Variants in MTOR observed in about 807,000 individuals in gnomAD.
The protein encoded by MTOR is mechanistic target of rapamycin kinase.
A neutral mutation model predicts 319.8 loss-of-function variants in MTOR; 70 were observed. That is an observed-to-expected ratio of 0.22 (90% CI 0.18 to 0.27). The LOEUF (loss-of-function observed/expected upper bound fraction) is 0.27, where lower values mean the gene tolerates loss of function less well. Ranked by LOEUF, MTOR falls within the 10% of genes least tolerant of loss-of-function variation. The pLI, the probability that MTOR is intolerant of heterozygous loss-of-function variation, is 1.00. For missense variants in MTOR, 1,890 were observed against 3,274.4 expected (o/e 0.58, Z 10.32); for synonymous variants, 1,183 against 1,211.4 (o/e 0.98, Z 0.49).
intron 1 of MTOR, 31 bp from the exon 2 acceptor site, chr1:11,259,454 G>A (rs902488326): frequency 6.6e-7 from 1 of 1,503,946 alleles, no homozygotes; most frequent in Non-Finnish European, 8.8e-7. Context: ...TAATATTCTG[G>A]ATAAGAAAGT....
chr1:11,198,865 C>T (rs1218229544), intron 28 of MTOR, among the ~76,000 whole-genome samples: 1 of 152,078 alleles, frequency 6.6e-6, no homozygotes, highest in Non-Finnish European at 1.5e-5. Flanking sequence ...TTGATAAAAC[C>T]CCACTGTGCC....
chr1:11,137,224 C>T (rs563476756), intron 36 of MTOR, among the ~76,000 whole-genome samples: 34 of 143,064 alleles, frequency 2.4e-4, no homozygotes, highest in Non-Finnish European at 3.8e-4. Context: ...AAGGTGATAA[C>T]TCAGTGTGAT....
At position 11,128,960 on chromosome 1, in the gene MTOR, G is replaced by T. The variant is rs778366203; in HGVS notation, c.5715-9C>A. 5 of 1,609,608 alleles carry T rather than the reference G, an allele frequency of 3.1e-6. No individual in the cohort carries two copies. The Admixed American group carries it at 8.4e-5, about 27-fold the overall frequency. On this transcript the variant is annotated splice_polypyrimidine_tract_variant and intron_variant, in intron 40 of 57. Transcript: ENST00000361445. This position sits in a 1 kb window ranked among gnomAD's most constrained non-coding sequence, Gnocchi z 5.3. ...ACCATAAGGTGAGAACTCTGAAAAAGAAATGAGAAAGTCACAGAAAATTTA... is the reference window on the plus strand; with the variant it reads ...ACCATAAGGTGAGAACTCTGAAAAATAAATGAGAAAGTCACAGAAAATTTA...
At chr1:11,114,715 C>A in intron 52 of MTOR, 98 bp downstream of exon 52, 1 of 1,263,852 alleles carries the variant, frequency 7.9e-7, no homozygotes, top group Non-Finnish European at 1.1e-6. Flanking sequence ...ATCACAAAGG[C>A]ACTTTGGAGA....
intron 28 of MTOR, among the ~76,000 whole-genome samples, chr1:11,172,166 T>C (rs552390344): frequency 4.0e-4 from 60 of 150,986 alleles, no homozygotes; most frequent in Middle Eastern, 6.8e-3. Context: ...CTGGGCTCAC[T>C]GGGGGACCAG....
At position 11,128,735 on chromosome 1, in the gene MTOR, A is replaced by G; in HGVS notation, c.5811+120T>C. ...ACACTTGACACTGGGACCGAGCCCT[A>G]CTTCCTTAGCACTGTATTAACACAC... On this transcript the variant is annotated intron_variant, in intron 41 of 57. Transcript: ENST00000361445. This position sits in a 1 kb window ranked among gnomAD's most constrained non-coding sequence, Gnocchi z 5.3. 9.7e-7 allele frequency: 1 copy of G among 1,031,202 alleles called. No homozygotes were observed. Among genetic ancestry groups the G allele is most frequent in the East Asian group, 2.5e-5 (1 of 39,576 alleles). The allele number at this position is 1,031,202 out of a possible 1,614,324, so 63.9% of individuals were successfully genotyped here.
intron 28 of MTOR, among the ~76,000 whole-genome samples, chr1:11,175,888 T>C (rs1644972716): frequency 6.6e-6 from 1 of 151,994 alleles, no homozygotes; most frequent in African/African-American, 2.4e-5. Context: ...GGATTACAGG[T>C]GCGCGCCACT....
Position 11,127,040 on chromosome 1 carries a change from C to T in MTOR, c.6321G>A (p.Val2107=), listed in dbSNP as rs777896603. The T allele has an allele frequency of 8.5e-5, 137 of 1,614,078 alleles. No individual in the cohort carries two copies. The highest frequency in any genetic ancestry group is 1.1e-4 in the Non-Finnish European group (132 of 1,180,040). ...GCAGCTGCTTTGAGATTCGTCGGAA[C>T]ACATGATAATAGAGGTCCCAGGCTT... is the stretch of plus-strand genomic sequence containing the variant. The part of the protein sequence containing the change: ...LTQAWDLYYH[V]FRRISKQLPQ... The change falls in exon 45 of 58, where the codon GTG becomes GTA. Residue 2107 remains valine (V), a synonymous_variant. Coordinates refer to ENST00000361445, the MANE Select transcript of MTOR (RefSeq NM_004958.4). This position sits in a 1 kb window ranked among gnomAD's most constrained non-coding sequence, Gnocchi z 5.5.
intron 28 of MTOR, among the ~76,000 whole-genome samples, chr1:11,176,119 A>C (rs1251019263): frequency 6.6e-6 from 1 of 152,168 alleles, no homozygotes; most frequent in East Asian, 1.9e-4. Context: ...CAAGGACTTA[A>C]TGCTGACCCA....
chr1:11,137,152 TAAAAAAAAAAA>T (rs33927011), intron 36 of MTOR, among the ~76,000 whole-genome samples: 2 of 73,374 alleles, frequency 2.7e-5, no homozygotes, highest in Non-Finnish European at 2.5e-5. Flanking sequence ...TAAATCTGAT[TAAAAAAAAAAA>T]AAAAAAAAAA....
intron 28 of MTOR, chr1:11,189,483 G>GTT (rs1332656723): frequency 3.7e-5 from 52 of 1,404,894 alleles, no homozygotes; most frequent in Non-Finnish European, 4.9e-5. Flanking sequence ...GAGTGAAAGC[G>GTT]TAAGGTTCAG....
rs1646927477 is a variant in MTOR, at chr1:11,228,737, C to T, written c.2961G>A (p.Val987=). The change falls in exon 19 of 58, where the codon GTG becomes GTA. Residue 987 remains valine, a synonymous_variant. Transcript: ENST00000361445. ...FIFKSLGLKC[V]QFLPQVMPTF... is the part of the protein sequence containing the mutation. ...TGGGCATGACCTGGGGCAGGAACTG[C>T]ACACATTTGAGTCCCAGGGACTTGA... 1.2e-6 allele frequency: 2 copies of T among 1,614,130 alleles called. No homozygotes were observed. The highest frequency in any genetic ancestry group is 2.2e-5 in the East Asian group (1 of 44,880).
Position 11,130,624 on chromosome 1 carries a change from T to TGGTGGC in MTOR, c.5512_5517dup (p.Ala1838_Thr1839dup). 6.2e-7 allele frequency: 1 copy of TGGTGGC among 1,613,644 alleles called. No homozygotes were observed. Among genetic ancestry groups the TGGTGGC allele is most frequent in the Non-Finnish European group, 8.5e-7 (1 of 1,179,774 alleles). On this transcript the variant is annotated inframe_insertion, in exon 39 of 58. Transcript: ENST00000361445. ...TTGCTGCCCTCGGTGCTGGCAGTGG[T>TGGTGGC]GGTGGCAGTGGCGGCCGTGGTGGCG...
At chr1:11,241,435 G>A (rs890105259) in intron 10 of MTOR, 118 bp downstream of exon 10, 2 of 1,286,134 alleles carry the variant, frequency 1.6e-6, no homozygotes, top group Non-Finnish European at 2.1e-6. Context: ...TTTAGTCTAA[G>A]CTATCCTGTC....
At chr1:11,195,207 C>A in intron 28 of MTOR, 1 of 682,950 alleles carries the variant, frequency 1.5e-6, no homozygotes, top group Non-Finnish European at 2.4e-6. Context: ...TTACAGTAAA[C>A]AGGATGAACT....
chr1:11,215,728 C>T (rs1415369302), intron 20 of MTOR, among the ~76,000 whole-genome samples: 3 of 152,160 alleles, frequency 2.0e-5, no homozygotes, highest in African/African-American at 7.2e-5. Context: ...AAAGCATCAC[C>T]TTGTTCCTTG....
At chr1:11,207,188 A>T (rs1463520944) in intron 25 of MTOR, among the ~76,000 whole-genome samples, 1 of 151,640 alleles carries the variant, frequency 6.6e-6, no homozygotes, top group Non-Finnish European at 1.5e-5. Context: ...TGCAGCCTTG[A>T]CCTCCCAGGC....
intron 16 of MTOR, 33 bp downstream of exon 16, chr1:11,232,402 CT>C (rs1569703475): frequency 6.5e-7 from 1 of 1,537,968 alleles, no homozygotes; most frequent in Non-Finnish European, 9.0e-7. Flanking sequence ...CTCATGGGGT[CT>C]GTCTTGCTCA....
rs1300900441 is a variant in MTOR, at chr1:11,127,673, G to A, written c.6167C>T (p.Ala2056Val). The A allele has an allele frequency of 6.2e-7, 1 of 1,614,002 alleles. No individual in the cohort carries two copies. The highest frequency in any genetic ancestry group is 8.5e-7 in the Non-Finnish European group (1 of 1,180,026). Residue 2056 changes from alanine (A) to valine (V), a missense_variant, in exon 44 of 58, where the codon GCT (alanine) becomes GTT (valine). By Grantham distance (64) the Ala-to-Val change is moderately conservative. This residue lies in a region of MTOR where 249 missense variants were observed against 596.2 expected (regional missense o/e 0.42). Transcript: ENST00000361445. The surrounding 1 kb of genome is among the most constrained non-coding windows in gnomAD (Gnocchi z 5.5). The part of the protein sequence containing the change: ...GMFEVLEPLH[A>V]MMERGPQTLK... ...AGTCTGGGGGCCCCGTTCCATCATA[G>A]CATGCAAGGGCTCCAGCACCTCAAA...
Sources: allele counts gnomAD v4.1 joint callset (sites outside exome capture counted in the v4.1 genomes callset), GRCh38; gene constraint gnomAD v4.1.1; regional missense constraint gnomAD v4.1.1; non-coding constraint Gnocchi (gnomAD v3.1); transcripts MANE v1.5; gene names NCBI Gene and HGNC (gene_info 2026-07-23, HGNC 2026-07-21).